ACKR2: variants seen among roughly 807,000 people sequenced by gnomAD.
The protein encoded by ACKR2 is atypical chemokine receptor 2, also known as C-C chemokine receptor D6.
For missense variants in ACKR2, 457 were observed against 477.3 expected (o/e 0.96, Z 0.40); for synonymous variants, 207 against 192.2 (o/e 1.08, Z -0.64).
intron 2 of ACKR2, among the ~76,000 whole-genome samples, chr3:42,860,188 A>AAAAAAAAAAAAAAAAACAAC (rs1559693615): frequency 6.8e-6 from 1 of 146,172 alleles, no homozygotes; most frequent in African/African-American, 2.6e-5. Flanking sequence ...AAAAAAAAAA[A>AAAAAAAAAAAAAAAAACAAC]AGCAGGGGAT....
At chr3:42,859,646 G>T (rs2088360003) in intron 2 of ACKR2, among the ~76,000 whole-genome samples, 1 of 152,096 alleles carries the variant, frequency 6.6e-6, no homozygotes, top group Non-Finnish European at 1.5e-5. Context: ...CTCCCAAAGT[G>T]CTGGGATCAC....
At chr3:42,838,290 TC>T (rs1419308673) in intron 2 of ACKR2, among the ~76,000 whole-genome samples, 1 of 152,110 alleles carries the variant, frequency 6.6e-6, no homozygotes, top group African/African-American at 2.4e-5. Context: ...AAATCATATA[TC>T]TGATAAAAGA....
intron 2 of ACKR2, among the ~76,000 whole-genome samples, chr3:42,836,117 A>G (rs1168799907): frequency 1.3e-5 from 2 of 152,144 alleles, no homozygotes; most frequent in South Asian, 2.1e-4. Flanking sequence ...AAAATCTCAT[A>G]TCTAAACTGA....
chr3:42,828,328 C>T (rs139110293), intron 2 of ACKR2, among the ~76,000 whole-genome samples: 358 of 152,062 alleles, frequency 2.4e-3, no homozygotes, highest in African/African-American at 7.7e-3. Flanking sequence ...TCAGGCTAGC[C>T]TTGAACTCCT....
chr3:42,821,937 C>G (rs1198512727), intron 2 of ACKR2, among the ~76,000 whole-genome samples: 1 of 152,000 alleles, frequency 6.6e-6, no homozygotes, highest in Admixed American at 6.6e-5. Flanking sequence ...ACCTCGTGAT[C>G]CGCCCGCCTC....
At chr3:42,833,904 T>C (rs1253009421) in intron 2 of ACKR2, among the ~76,000 whole-genome samples, 1 of 152,218 alleles carries the variant, frequency 6.6e-6, no homozygotes, top group Non-Finnish European at 1.5e-5. Context: ...TGTGTTCACT[T>C]TGTGTCTCTG....
chr3:42,864,042 T>C (rs1036454955), intron 2 of ACKR2, among the ~76,000 whole-genome samples: 1 of 152,126 alleles, frequency 6.6e-6, no homozygotes, highest in Non-Finnish European at 1.5e-5. Context: ...CCACTGAAGC[T>C]AAGCTGTCAT....
At chr3:42,839,645 T>C (rs1292577730) in intron 2 of ACKR2, among the ~76,000 whole-genome samples, 5 of 152,138 alleles carry the variant, frequency 3.3e-5, no homozygotes, top group Non-Finnish European at 4.4e-5. Context: ...GCTACCATAC[T>C]TAGGGTGGTA....
rs376833790 is a variant in ACKR2 at position 42,860,189 on chromosome 3, A to AAAAAAAAAAAAAAAAC, written c.-37-4277_-37-4276insAAAAAAAAAAAAAAAC. ...CAAAAAAAAAAAAAAAAAAAAAAAA[A>AAAAAAAAAAAAAAAAC]GCAGGGGATGCAATCCTAGTCTCTG... On this transcript the variant is annotated intron_variant, in intron 2 of 2. Transcript: ENST00000422265. Among the ~76,000 whole-genome samples, 23 of 111,630 alleles carry AAAAAAAAAAAAAAAAC rather than the reference A, an allele frequency of 2.1e-4. 2 individuals are homozygous for AAAAAAAAAAAAAAAAC. The highest frequency in any genetic ancestry group is 7.5e-4 in the East Asian group (2 of 2,678). The allele number at this position is 111,630 out of a possible 152,430, so 73.2% of individuals were successfully genotyped here. A position where few individuals can be genotyped will look rare whatever the true frequency, so the allele number is the denominator to read the frequency against.
intron 2 of ACKR2, among the ~76,000 whole-genome samples, chr3:42,820,978 A>G (rs1365983217): frequency 6.6e-6 from 1 of 151,130 alleles, no homozygotes; most frequent in African/African-American, 2.4e-5. Flanking sequence ...TCCGCCTCCC[A>G]GGTTCAAGTG....
At chr3:42,853,896 A>G (rs1351393428) in intron 2 of ACKR2, among the ~76,000 whole-genome samples, 1 of 152,160 alleles carries the variant, frequency 6.6e-6, no homozygotes, top group Non-Finnish European at 1.5e-5. Flanking sequence ...TCATATTTCA[A>G]AGGCTGGTGT....
intron 1 of ACKR2, among the ~76,000 whole-genome samples, chr3:42,811,878 A>G (rs2125600692): frequency 6.6e-6 from 1 of 152,356 alleles, no homozygotes; most frequent in Admixed American, 6.5e-5. Flanking sequence ...ACATCCGGGC[A>G]CAGTACCTTC....
At chr3:42,856,112 G>T in intron 2 of ACKR2, 1 of 431,216 alleles carries the variant, frequency 2.3e-6, no homozygotes, top group Non-Finnish European at 4.1e-6. Context: ...GAAAAGGGAG[G>T]AGTTGAAGGC....
Position 42,816,915 on chromosome 3 carries a change from GA to G in ACKR2, c.-118-2707del, listed in dbSNP as rs562712299. On this transcript the variant is annotated intron_variant, in intron 1 of 2. Coordinates refer to ENST00000422265, the MANE Select transcript of ACKR2 (RefSeq NM_001296.5). ...AGCAGGACACTTAACAAGTACTAATGAAAAAAAAATTTGGTAGAGTGGAAAA... is the reference window on the plus strand; with the variant it reads ...AGCAGGACACTTAACAAGTACTAATGAAAAAAAATTTGGTAGAGTGGAAAA... 8.0e-3 allele frequency among the ~76,000 whole-genome samples: 1,211 copies of G among 151,546 alleles called. 14 individuals carry two copies. The highest frequency in any genetic ancestry group is 0.028 in the African/African-American group (1,156 of 41,352).
At chr3:42,857,904 T>A (rs972275608) in intron 2 of ACKR2, among the ~76,000 whole-genome samples, 1 of 152,188 alleles carries the variant, frequency 6.6e-6, no homozygotes, top group Non-Finnish European at 1.5e-5. Context: ...ACAAAGCCAC[T>A]GGGAAGTTCG....
intron 2 of ACKR2, among the ~76,000 whole-genome samples, chr3:42,857,581 G>A (rs1352357523): frequency 6.6e-6 from 1 of 152,124 alleles, no homozygotes; most frequent in African/African-American, 2.4e-5. Flanking sequence ...TTAAAGATAA[G>A]GAAACTAAGA....
intron 2 of ACKR2, among the ~76,000 whole-genome samples, chr3:42,843,034 C>CTATTTATT (rs35357659): frequency 3.6e-5 from 5 of 139,350 alleles, no homozygotes; most frequent in South Asian, 2.3e-4. Flanking sequence ...TCATGTCTAG[C>CTATTTATT]TATTTATTTA....
intron 2 of ACKR2, among the ~76,000 whole-genome samples, chr3:42,820,871 A>G (rs1167205095): frequency 6.7e-6 from 1 of 149,110 alleles, no homozygotes; most frequent in Non-Finnish European, 1.5e-5. Flanking sequence ...GCTTAAGGAC[A>G]GTTCATCAAT....
intron 2 of ACKR2, chr3:42,843,938 A>G (rs1161629323): frequency 6.6e-6 from 1 of 152,096 alleles, no homozygotes; most frequent in Non-Finnish European, 1.5e-5. Context: ...CCACTCTGAT[A>G]TGTGATGTGG....
Sources: gnomAD v4.1 joint callset for allele counts (sites outside exome capture counted in the v4.1 genomes callset) on GRCh38, gnomAD v4.1.1 for gene constraint, MANE v1.5 for transcripts, NCBI Gene and HGNC (gene_info 2026-07-23, HGNC 2026-07-21) for gene names.